Variants in FAM186A observed in about 807,000 individuals in gnomAD.
FAM186A encodes the protein protein FAM186A.
FAM186A carries 163 observed loss-of-function variants against 216.8 expected under a neutral mutation model. The observed-to-expected ratio is 0.75, with a 90% CI of 0.66 to 0.86. FAM186A has a LOEUF of 0.86. Ranked by LOEUF, FAM186A falls within the 40% of genes least tolerant of loss-of-function variation. The probability of loss-of-function intolerance (pLI) is 0.00; values close to 1 mark genes in which losing one functional copy is unlikely to be tolerated. For synonymous variants in FAM186A, 805 were observed against 1,025.3 expected (o/e 0.79, Z 4.10); for missense variants, 2,184 against 2,746.2 (o/e 0.80, Z 4.58).
At chr12:50,367,516 C>CAA (rs35171998) in intron 1 of FAM186A, among the ~76,000 whole-genome samples, 1 of 89,716 alleles carries the variant, frequency 1.1e-5, no homozygotes, top group African/African-American at 4.3e-5. Context: ...GACTCTGTCT[C>CAA]AAAAAAAAAA....
intron 1 of FAM186A, 138 bp from the exon 2 acceptor site, chr12:50,363,502 G>A (rs1240914653): frequency 2.6e-6 from 2 of 771,398 alleles, no homozygotes; most frequent in Non-Finnish European, 2.0e-6. Context: ...TTTATTGTGA[G>A]TCTCAAATTT....
At chr12:50,393,175 C>T (rs1025668170) in intron 1 of FAM186A, among the ~76,000 whole-genome samples, 2 of 151,978 alleles carry the variant, frequency 1.3e-5, no homozygotes, top group African/African-American at 2.4e-5. Flanking sequence ...ATCCGCCCGC[C>T]TCGCCTCCAA....
chr12:50,346,517 G>A (rs921007549), intron 4 of FAM186A, among the ~76,000 whole-genome samples: 1 of 152,034 alleles, frequency 6.6e-6, no homozygotes, highest in Admixed American at 6.6e-5. Flanking sequence ...ATGAGCCACC[G>A]CACCCAGCCC....
At chr12:50,361,866 C>T (rs765756090) in intron 2 of FAM186A, among the ~76,000 whole-genome samples, 1 of 151,234 alleles carries the variant, frequency 6.6e-6, no homozygotes, top group Admixed American at 6.6e-5. Flanking sequence ...CCACCGCGCC[C>T]GGCCATTATC....
chr12:50,349,425 G>T (rs1356111821), intron 4 of FAM186A, among the ~76,000 whole-genome samples: 3 of 152,068 alleles, frequency 2.0e-5, no homozygotes, highest in African/African-American at 7.2e-5. Flanking sequence ...CTGGGCTCAA[G>T]TGATCCTCCC....
chr12:50,364,864 C>G (rs890408758), intron 1 of FAM186A, among the ~76,000 whole-genome samples: 3 of 151,430 alleles, frequency 2.0e-5, no homozygotes, highest in Non-Finnish European at 1.5e-5. Context: ...ATGGTGAAAC[C>G]CCGTCTTTAC....
rs1942646586 is a variant in FAM186A, at chr12:50,330,564, A to G, written c.7034+9T>C. Reference sequence around the variant, plus strand: ...CCAATTACCAGAGTGCTTCCAGTCCATAACTTACCGTGATTGGAGGGATGC... The same window carrying G: ...CCAATTACCAGAGTGCTTCCAGTCCGTAACTTACCGTGATTGGAGGGATGC... On this transcript the variant is annotated intron_variant, in intron 7 of 7. Transcript: ENST00000327337. The G allele has an allele frequency of 2.6e-6, 4 of 1,549,324 alleles. No individual in the cohort carries two copies. The highest frequency in any genetic ancestry group is 2.0e-5 in the Admixed American group (1 of 50,580).
At chr12:50,327,545 T>A (rs920414334) in intron 7 of FAM186A, 141 bp from the exon 8 acceptor site, 2 of 541,140 alleles carry the variant, frequency 3.7e-6, no homozygotes, top group Middle Eastern at 5.2e-4. Flanking sequence ...TAATCCTTTT[T>A]TTTTTTTTTT....
In FAM186A at chr12:50,350,805, T is replaced by C; in HGVS notation, c.6027A>G (p.Ile2009Met). 6.4e-7 allele frequency: 1 copy of C among 1,551,720 alleles called. No individual in the cohort carries two copies. The highest frequency in any genetic ancestry group is 8.7e-7 in the Non-Finnish European group (1 of 1,146,996). Residue 2009 changes from isoleucine to methionine, a missense_variant, in exon 4 of 8, where the codon ATA (isoleucine) becomes ATG (methionine). By Grantham distance (10) the Ile-to-Met change is conservative. Around this residue, in one of 7 missense-constraint regions of FAM186A, gnomAD observed 721 missense variants for 816.4 expected, o/e 0.88. Coordinates refer to ENST00000327337, the MANE Select transcript of FAM186A (RefSeq NM_001145475.3). The stretch of plus-strand genomic sequence containing the variant: ...GGGACTGAAATGTTCTAAATGATTC[T>C]ATAGCAAAAGTGTCTCGAAGTATCT... ...ETQILRDTFA[I>M]ESFRTFQSHF...
chr12:50,383,450 G>T (rs1943273682), intron 1 of FAM186A, among the ~76,000 whole-genome samples: 1 of 151,620 alleles, frequency 6.6e-6, no homozygotes, highest in Non-Finnish European at 1.5e-5. Context: ...CAAAAAATTA[G>T]CTGGGCGTGG....
chr12:50,371,139 G>A (rs978897167), intron 1 of FAM186A, among the ~76,000 whole-genome samples: 3 of 150,910 alleles, frequency 2.0e-5, no homozygotes, highest in African/African-American at 7.3e-5. Context: ...TTTTTTTTGA[G>A]GCAGAATCTT....
chr12:50,349,353 C>G, intron 4 of FAM186A, among the ~76,000 whole-genome samples: 1 of 151,842 alleles, frequency 6.6e-6, no homozygotes, highest in East Asian at 1.9e-4. Context: ...GCTGGGACTA[C>G]AGGCATGCAC....
At position 50,350,633 on chromosome 12, in the gene FAM186A, T is replaced by C. The variant is rs1450280559; in HGVS notation, c.6199A>G (p.Lys2067Glu). The C allele has an allele frequency of 6.4e-7, 1 of 1,551,632 alleles. No individual in the cohort carries two copies. The highest frequency in any genetic ancestry group is 8.7e-7 in the Non-Finnish European group (1 of 1,146,988). ...TTGTCTATAGGAGGGAATCGGGATT[T>C]CTGGTACCATTCCAAAGGTGAAATC... Reference protein sequence around the residue: ...SQISPLEWYQKSRFPPIDKPW... With the variant: ...SQISPLEWYQESRFPPIDKPW... The change falls in exon 4 of 8, where the codon AAA (lysine) becomes GAA (glutamate). Residue 2067 changes from lysine (K) to glutamate (E), a missense_variant. Lys to Glu is a moderately conservative substitution (Grantham distance 56, BLOSUM62 1). Around this residue, in one of 7 missense-constraint regions of FAM186A, gnomAD observed 721 missense variants for 816.4 expected, o/e 0.88. Transcript: ENST00000327337.
In FAM186A at chr12:50,396,304, G is replaced by C; in HGVS notation, c.181C>G (p.Arg61Gly). The C allele has an allele frequency of 2.0e-6, 3 of 1,536,624 alleles. No homozygotes were observed. Among genetic ancestry groups the C allele is most frequent in the Non-Finnish European group, 2.6e-6 (3 of 1,140,830 alleles). The part of the protein sequence containing the change: ...ISRIERAQLH[R>G]AREDIDMQLS... ...GATTCACTACCTACCTCTCTGGCTC[G>C]ATGGAGCTGTGCGCGCTCAATCCTA... The change falls in exon 1 of 8, where the codon CGA (arginine) becomes GGA (glycine). Residue 61 changes from arginine (R) to glycine (G), a missense_variant. This residue lies in a region of FAM186A where 1,132 missense variants were observed against 1,263.4 expected (regional missense o/e 0.90). Transcript: ENST00000327337.
chr12:50,354,832 C>G lies in FAM186A; in HGVS notation c.2000G>C (p.Ser667Thr). The change falls in exon 4 of 8, where the codon AGT becomes ACT. Residue 667 changes from serine (S) to threonine (T), a missense_variant. Physicochemically the swap from Ser to Thr is moderately conservative, Grantham distance 58. Coordinates refer to ENST00000327337, the MANE Select transcript of FAM186A (RefSeq NM_001145475.3). ...LESPDGKSEQ[S>T]NLEEFQEAIM... ...GGCTTCCTGAAATTCTTCGAGGTTA[C>G]TCTGTTCACTTTTGCCATCTGGACT... The G allele has an allele frequency of 6.5e-7, 1 of 1,543,820 alleles. No individual in the cohort carries two copies. Among genetic ancestry groups the G allele is most frequent in the East Asian group, 2.4e-5 (1 of 40,896 alleles).
intron 5 of FAM186A, among the ~76,000 whole-genome samples, chr12:50,333,327 T>C (rs1419556043): frequency 6.6e-6 from 1 of 151,924 alleles, no homozygotes; most frequent in Non-Finnish European, 1.5e-5. Context: ...AGGTCAGGAA[T>C]TCGAAACCAG....
chr12:50,346,124 T>C (rs1465679213), intron 4 of FAM186A, among the ~76,000 whole-genome samples: 1 of 142,168 alleles, frequency 7.0e-6, no homozygotes, highest in African/African-American at 2.6e-5. Context: ...TGAGCCAAGA[T>C]TGCACCACTG....
intron 2 of FAM186A, 128 bp downstream of exon 2, chr12:50,363,017 C>A: frequency 1.3e-6 from 1 of 766,466 alleles, no homozygotes; most frequent in African/African-American, 1.8e-5. Context: ...AGAGGATAAC[C>A]ATTCTCTGAA....
Position 50,368,823 on chromosome 12 carries a change from A to G in FAM186A, c.193-5459T>C, listed in dbSNP as rs556524466. Among the ~76,000 whole-genome samples the G allele has an allele frequency of 2.0e-5, 3 of 152,164 alleles. No homozygotes were observed. In the South Asian group the frequency reaches 6.2e-4, roughly 31 times the overall value. ...GTGGTACAGGCATAACGACAGACAT[A>G]TAACCTGATGGAATAGAATAGAGAG... On this transcript the variant is annotated intron_variant, in intron 1 of 7. Coordinates refer to ENST00000327337, the MANE Select transcript of FAM186A (RefSeq NM_001145475.3).
Sources: allele counts gnomAD v4.1 joint callset (sites outside exome capture counted in the v4.1 genomes callset), GRCh38; gene constraint gnomAD v4.1.1; regional missense constraint gnomAD v4.1.1; transcripts MANE v1.5; gene names NCBI Gene and HGNC (gene_info 2026-07-23, HGNC 2026-07-21).